GLIS3: variants seen among roughly 807,000 people sequenced by gnomAD.
The protein encoded by GLIS3 is GLIS family zinc finger 3.
Under a neutral mutation model 78.6 loss-of-function variants are expected in GLIS3, and 53 were observed. The observed-to-expected ratio is 0.67, with a 90% confidence interval of 0.54 to 0.85. The LOEUF is 0.85. Ranked by LOEUF, GLIS3 falls within the 40% of genes least tolerant of loss-of-function variation. The pLI, the probability that GLIS3 is intolerant of heterozygous loss-of-function variation, is 0.00. For missense variants in GLIS3, 1,703 were observed against 1,231.1 expected (o/e 1.38, Z -5.74); for synonymous variants, 684 against 509.9 (o/e 1.34, Z -4.60).
the GLIS3 span, among the ~76,000 whole-genome samples, chr9:4,437,770 T>C: frequency 2.0e-5 from 3 of 152,324 alleles, no homozygotes; most frequent in South Asian, 6.2e-4. Flanking sequence ...CTCAGCCTAC[T>C]TGTTGTGAAG....
chr9:4,348,219 A>C (rs918563587), intron 1 of GLIS3: 12 of 152,170 alleles, frequency 7.9e-5, no homozygotes, highest in Admixed American at 2.6e-4. Flanking sequence ...GCTGAAATAT[A>C]TTTCTTTCTT....
intron 5 of GLIS3, among the ~76,000 whole-genome samples, chr9:3,936,172 G>T (rs371806933): frequency 6.6e-6 from 1 of 152,190 alleles, no homozygotes; most frequent in East Asian, 1.9e-4. Context: ...TGGGATAAGA[G>T]ATCTGTGATG....
intron 2 of GLIS3, among the ~76,000 whole-genome samples, chr9:4,143,493 G>C (rs1438738412): frequency 1.3e-5 from 2 of 152,040 alleles, no homozygotes; most frequent in Non-Finnish European, 2.9e-5. Context: ...CTTGAACCCA[G>C]GAGGTGGGGG....
the GLIS3 span, among the ~76,000 whole-genome samples, chr9:4,437,769 CTTG>C: frequency 1.3e-5 from 2 of 152,294 alleles, no homozygotes; most frequent in East Asian, 1.9e-4. Flanking sequence ...CCTCAGCCTA[CTTG>C]TTGTGAAGAC....
intron 9 of GLIS3, among the ~76,000 whole-genome samples, chr9:3,832,648 A>T (rs1427962638): frequency 6.6e-6 from 1 of 152,192 alleles, no homozygotes; most frequent in Non-Finnish European, 1.5e-5. Flanking sequence ...GGCACAGGCA[A>T]ATATGGCAGT....
chr9:3,917,442 T>C (rs1824593170), intron 6 of GLIS3, among the ~76,000 whole-genome samples: 1 of 152,236 alleles, frequency 6.6e-6, no homozygotes, highest in Non-Finnish European at 1.5e-5. Flanking sequence ...TTGAAATTCA[T>C]TTTAGAATAT....
At chr9:4,223,954 A>T (rs1005302382) in intron 2 of GLIS3, among the ~76,000 whole-genome samples, 46 of 152,126 alleles carry the variant, frequency 3.0e-4, no homozygotes, top group Non-Finnish European at 1.3e-4. Flanking sequence ...AATACGGGGA[A>T]AATGCCATCA....
chr9:4,066,405 A>G (rs1347398091), intron 4 of GLIS3, among the ~76,000 whole-genome samples: 2 of 152,134 alleles, frequency 1.3e-5, no homozygotes, highest in Non-Finnish European at 2.9e-5. Flanking sequence ...TGCAGAACAC[A>G]TGCATTTTTC....
intron 4 of GLIS3, among the ~76,000 whole-genome samples, chr9:4,086,553 C>A (rs1556987): frequency 0.22 from 33,077 of 152,152 alleles, 4,183 homozygotes; most frequent in East Asian, 0.33. Flanking sequence ...GAAAACAAAT[C>A]TTTAACAATC....
intron 9 of GLIS3, among the ~76,000 whole-genome samples, chr9:3,833,165 G>C (rs986967135): frequency 6.6e-6 from 1 of 152,140 alleles, no homozygotes; most frequent in African/African-American, 2.4e-5. Context: ...TGTCTTGGCT[G>C]ACACAGGAAA....
In GLIS3 at chr9:4,109,006, G is replaced by C. The variant is rs368682509; in HGVS notation, c.1710+8762C>G. On this transcript the variant is annotated intron_variant, in intron 4 of 10. Transcript: ENST00000381971. ...CATGCTGCCTTCCCCGGTCTAGAGAGACATGGGGTTCTATGGTGTTCAGGA... is the reference window on the plus strand; with the variant it reads ...CATGCTGCCTTCCCCGGTCTAGAGACACATGGGGTTCTATGGTGTTCAGGA... Among the ~76,000 whole-genome samples, 8 of 152,276 alleles carry C rather than the reference G, an allele frequency of 5.3e-5. No individual in the cohort carries two copies. In the South Asian group the frequency reaches 8.3e-4, roughly 16 times the overall value.
chr9:4,473,959 C>A, the GLIS3 span, among the ~76,000 whole-genome samples: 3 of 152,116 alleles, frequency 2.0e-5, no homozygotes, highest in Non-Finnish European at 4.4e-5. Flanking sequence ...AATAGACCAG[C>A]TTCATGTATT....
At chr9:4,223,174 C>T (rs1195264365) in intron 2 of GLIS3, among the ~76,000 whole-genome samples, 1 of 152,150 alleles carries the variant, frequency 6.6e-6, no homozygotes, top group Admixed American at 6.5e-5. Flanking sequence ...GAAATGACAG[C>T]TGGAAAAACG....
chr9:4,321,713 T>C (rs967128778), intron 2 of GLIS3, among the ~76,000 whole-genome samples: 8 of 141,728 alleles, frequency 5.6e-5, no homozygotes, highest in African/African-American at 2.1e-4. Context: ...TTATTTTTAT[T>C]GGCAGTTTTG....
chr9:4,188,327 T>A (rs1818000567), intron 2 of GLIS3, among the ~76,000 whole-genome samples: 2 of 149,312 alleles, frequency 1.3e-5, no homozygotes, highest in South Asian at 4.4e-4. Flanking sequence ...GAACCAGCCT[T>A]GCATCCCAGG....
At chr9:4,061,398 C>T (rs1005678718) in intron 4 of GLIS3, among the ~76,000 whole-genome samples, 1 of 152,030 alleles carries the variant, frequency 6.6e-6, no homozygotes, top group Non-Finnish European at 1.5e-5. Context: ...TGAACTCATC[C>T]TTTTTTATGG....
intron 4 of GLIS3, among the ~76,000 whole-genome samples, chr9:4,019,225 G>A (rs1447403351): frequency 1.3e-5 from 2 of 152,170 alleles, no homozygotes; most frequent in African/African-American, 4.8e-5. Flanking sequence ...AAGTTTAAAC[G>A]GTGCTCTCAT....
At chr9:4,468,040 T>A in the GLIS3 span, among the ~76,000 whole-genome samples, 25 of 152,110 alleles carry the variant, frequency 1.6e-4, no homozygotes, top group Non-Finnish European at 2.6e-4. Flanking sequence ...AGGTTATCAG[T>A]GATTGAAGAT....
At chr9:4,343,479 T>C (rs1817862248) in intron 2 of GLIS3, among the ~76,000 whole-genome samples, 2 of 152,184 alleles carry the variant, frequency 1.3e-5, no homozygotes, top group Admixed American at 1.3e-4. Flanking sequence ...TGTAAACTAG[T>C]TCAGCTACAG....
Sources: allele counts gnomAD v4.1 joint callset (sites outside exome capture counted in the v4.1 genomes callset), GRCh38; gene constraint gnomAD v4.1.1; transcripts MANE v1.5; gene names NCBI Gene and HGNC (gene_info 2026-07-23, HGNC 2026-07-21).